The following RNF17 variants were observed in gnomAD, a reference collection of about 807,000 sequenced individuals.
RNF17 encodes the protein ring finger protein 17.
Under a neutral mutation model 200.5 loss-of-function variants are expected in RNF17, and 31 were observed. The observed-to-expected ratio is 0.15, with a 90% CI of 0.12 to 0.21. The LOEUF is 0.21. RNF17 is among the 10% of genes least tolerant of loss of function. RNF17 has a pLI of 1.00. For synonymous variants in RNF17, 606 were observed against 637.8 expected (o/e 0.95, Z 0.75); for missense variants, 1,628 against 1,905.1 (o/e 0.85, Z 2.71).
At chr13:24,843,281 G>A (rs1890854236) in intron 19 of RNF17, among the ~76,000 whole-genome samples, 1 of 152,178 alleles carries the variant, frequency 6.6e-6, no homozygotes, top group Admixed American at 6.5e-5. Context: ...CACTTTGGGA[G>A]GCTCAGGCAG....
At chr13:24,863,625 A>G (rs1250585065) in intron 28 of RNF17, among the ~76,000 whole-genome samples, 1 of 152,230 alleles carries the variant, frequency 6.6e-6, no homozygotes, top group East Asian at 1.9e-4. Context: ...TAAAGGAGGC[A>G]CACACTCACT....
upstream of RNF17, among the ~76,000 whole-genome samples, chr13:24,763,486 G>A (rs1274960683): frequency 1.3e-5 from 2 of 151,390 alleles, no homozygotes; most frequent in Non-Finnish European, 2.9e-5. Flanking sequence ...CAAAGTGCTG[G>A]CATTACAGGC....
rs574286653 is a variant in RNF17, at chr13:24,765,162, C to T, written c.130+829C>T. 3.3e-5 allele frequency among the ~76,000 whole-genome samples: 5 copies of T among 152,158 alleles called. No individual in the cohort carries two copies. The East Asian group carries it at 9.7e-4, about 29-fold the overall frequency. ...TCTGGAGTAGCTGGGACTACAGGCG[C>T]CCGCCACCACGCCCGGCTAATTTTT... On this transcript the variant is annotated intron_variant, in intron 1 of 35. Coordinates refer to ENST00000255324, the MANE Select transcript of RNF17 (RefSeq NM_031277.3).
intron 15 of RNF17, among the ~76,000 whole-genome samples, chr13:24,809,434 T>G (rs1192468829): frequency 6.6e-6 from 1 of 152,178 alleles, no homozygotes; most frequent in Non-Finnish European, 1.5e-5. Context: ...TGCATAGAGG[T>G]GTTTGTAGTA....
intron 15 of RNF17, among the ~76,000 whole-genome samples, chr13:24,809,012 G>C (rs890307136): frequency 1.3e-5 from 2 of 151,978 alleles, no homozygotes; most frequent in African/African-American, 4.8e-5. Flanking sequence ...ATCATGGTGG[G>C]TAAGCTTTTT....
intron 5 of RNF17, among the ~76,000 whole-genome samples, chr13:24,780,864 G>T (rs1366908675): frequency 1.3e-5 from 2 of 151,656 alleles, no homozygotes; most frequent in East Asian, 3.9e-4. Flanking sequence ...CCTGGTTGAT[G>T]GAGTAAAACT....
At position 24,796,416 on chromosome 13, in the gene RNF17, A is replaced by AT. The variant is rs1238836402; in HGVS notation, c.1399+122dup. On this transcript the variant is annotated intron_variant, in intron 11 of 35. Transcript: ENST00000255324. ...TGCTCTAAGTTCATTTGTAGTAAGCATAAAAGTTTTAGGATTATTTAACAT... is the reference window on the plus strand; with the variant it reads ...TGCTCTAAGTTCATTTGTAGTAAGCATTAAAAGTTTTAGGATTATTTAACAT... 1.4e-5 allele frequency: 8 copies of AT among 587,718 alleles called. No individual in the cohort carries two copies. The African/African-American group carries it at 1.5e-4, about 11-fold the overall frequency. 36.4% of individuals were successfully genotyped at this position (587,718 alleles called of 1,614,324 possible).
At chr13:24,751,066 TTC>T in the RNF17 span, 1 of 152,112 alleles carries the variant, frequency 6.6e-6, no homozygotes, top group East Asian at 1.9e-4. Flanking sequence ...AGACAAGAAG[TTC>T]TCTCAGAGAA....
At chr13:24,798,697 A>G (rs1884891969) in intron 11 of RNF17, among the ~76,000 whole-genome samples, 1 of 152,172 alleles carries the variant, frequency 6.6e-6, no homozygotes, top group African/African-American at 2.4e-5. Context: ...GTGGGGAGTA[A>G]GTGAATTCAA....
At chr13:24,858,791 T>G (rs1042955337) in intron 25 of RNF17, among the ~76,000 whole-genome samples, 5 of 152,100 alleles carry the variant, frequency 3.3e-5, no homozygotes, top group Admixed American at 1.3e-4. Flanking sequence ...TTAGAGCTCC[T>G]TATGATGTTT....
chr13:24,883,380 T>TA (rs759646472), downstream of RNF17: 94 of 1,563,916 alleles, frequency 6.0e-5, no homozygotes, highest in East Asian at 6.1e-4. Context: ...CTGTAAAATT[T>TA]AAAAAAAATA....
intron 15 of RNF17, among the ~76,000 whole-genome samples, chr13:24,814,361 T>G (rs569708973): frequency 6.6e-6 from 1 of 152,350 alleles, no homozygotes; most frequent in African/African-American, 2.4e-5. Context: ...ATAGTGTCCT[T>G]TGTTCCACAA....
At chr13:24,819,144 C>A (rs1887746372) in intron 15 of RNF17, among the ~76,000 whole-genome samples, 1 of 152,148 alleles carries the variant, frequency 6.6e-6, no homozygotes, top group African/African-American at 2.4e-5. Context: ...AGAACATTTT[C>A]ATCTTGCAAA....
intron 34 of RNF17, 79 bp downstream of exon 34, chr13:24,877,265 C>A: frequency 1.7e-6 from 2 of 1,151,380 alleles, no homozygotes; most frequent in Middle Eastern, 2.6e-4. Flanking sequence ...TTCTATGCAG[C>A]GTCTACATGC....
chr13:24,846,151 T>C (rs1446127346), intron 22 of RNF17, among the ~76,000 whole-genome samples: 2 of 152,224 alleles, frequency 1.3e-5, no homozygotes, highest in South Asian at 2.1e-4. Flanking sequence ...AACTCAGATA[T>C]TTGATTTTGT....
chr13:24,822,281 C>T (rs1279783887), intron 15 of RNF17, among the ~76,000 whole-genome samples: 5 of 152,108 alleles, frequency 3.3e-5, no homozygotes, highest in African/African-American at 9.7e-5. Flanking sequence ...GCGCAACTGC[C>T]GGCATCTGTG....
intron 4 of RNF17, among the ~76,000 whole-genome samples, chr13:24,779,460 C>T (rs1269370687): frequency 6.6e-6 from 1 of 152,072 alleles, no homozygotes; most frequent in Non-Finnish European, 1.5e-5. Context: ...AATGGTCTAA[C>T]TAAAGCTCTA....
At position 24,854,075 on chromosome 13, in the gene RNF17, A is replaced by G. The variant is rs748649201; in HGVS notation, c.3541A>G (p.Asn1181Asp). 1.2e-6 allele frequency: 2 copies of G among 1,614,048 alleles called. No homozygotes were observed. The highest frequency in any genetic ancestry group is 2.2e-5 in the East Asian group (1 of 44,858). Residue 1181 changes from asparagine (N) to aspartate (D), a missense_variant, in exon 25 of 36, where the codon AAC (asparagine) becomes GAC (aspartate). Around this residue, in one of 5 missense-constraint regions of RNF17, gnomAD observed 609 missense variants for 681.9 expected, o/e 0.89. Coordinates refer to ENST00000255324, the MANE Select transcript of RNF17 (RefSeq NM_031277.3). ...GYKPPAIPNM[N>D]VFEATVSCVG... ...TAAGCCACCAGCTATTCCTAACATG[A>G]ACGTATTTGAGGCAACAGTCAGCTG... is the stretch of plus-strand genomic sequence containing the variant.
At chr13:24,870,495 AC>A in intron 31 of RNF17, 75 bp from the exon 32 acceptor site, 1 of 1,303,778 alleles carries the variant, frequency 7.7e-7, no homozygotes, top group Admixed American at 1.8e-5. Flanking sequence ...GCTGTCTGCT[AC>A]AGTAATTTTG....
Sources: allele counts gnomAD v4.1 joint callset (sites outside exome capture counted in the v4.1 genomes callset), GRCh38; gene constraint gnomAD v4.1.1; regional missense constraint gnomAD v4.1.1; transcripts MANE v1.5; gene names NCBI Gene and HGNC (gene_info 2026-07-23, HGNC 2026-07-21).